Variants in C18orf63 observed in about 807,000 individuals in gnomAD.
The protein encoded by C18orf63 is uncharacterized protein C18orf63.
C18orf63 carries 50 observed loss-of-function variants against 75.3 expected under a neutral mutation model. That is an observed-to-expected ratio of 0.66 (90% CI 0.53 to 0.84). The LOEUF is 0.84. C18orf63 is among the 40% of genes least tolerant of loss of function. The probability of loss-of-function intolerance (pLI) is 0.00; values close to 1 mark genes in which losing one functional copy is unlikely to be tolerated. For synonymous variants in C18orf63, 232 were observed against 267.6 expected (o/e 0.87, Z 1.30); for missense variants, 732 against 800.2 (o/e 0.91, Z 1.03).
At chr18:74,344,027 A>G (rs774501250) in intron 11 of C18orf63, among the ~76,000 whole-genome samples, 3 of 152,142 alleles carry the variant, frequency 2.0e-5, no homozygotes, top group Admixed American at 6.6e-5. Context: ...TGCTGACAGT[A>G]TAAGTTCAGT....
Position 74,353,444 on chromosome 18 carries a change from C to T in C18orf63, c.1177C>T (p.Gln393Ter). 6.5e-7 allele frequency: 1 copy of T among 1,536,318 alleles called. No homozygotes were observed. The highest frequency in any genetic ancestry group is 8.7e-7 in the Non-Finnish European group (1 of 1,146,936). Residue 393 changes from glutamine (Q) to a stop codon, truncating the protein, a stop_gained, in exon 12 of 14, where the codon CAG becomes TAG. Transcript: ENST00000579455. LOFTEE classifies it high-confidence loss of function. ...SALHLQPESV[Q>*]GRKKSLSIRA... ...TTTGCATCTCCAGCCAGAGTCTGTT[C>T]AGGGTAGAAAGAAATCCCTGTCTAT...
chr18:74,317,904 A>G lies in C18orf63; in HGVS notation c.39A>G (p.Thr13=), dbSNP rs1050233716. Residue 13 remains threonine (T), a synonymous_variant, in exon 2 of 14, where the codon ACA becomes ACG. Transcript: ENST00000579455. ...GGCAGCAGTCTCTGTTCTTCATCAC[A>G]CTTCCAGATTTAAACAAACTCTGTG... is the stretch of plus-strand genomic sequence containing the variant. ...DSRQQSLFFI[T]LPDLNKLCAV... The G allele has an allele frequency of 9.1e-6, 14 of 1,535,088 alleles. No individual in the cohort carries two copies. Among genetic ancestry groups the G allele is most frequent in the Middle Eastern group, 1.7e-4 (1 of 6,010 alleles).
intron 8 of C18orf63, among the ~76,000 whole-genome samples, chr18:74,341,039 C>T (rs1389661066): frequency 4.6e-5 from 7 of 151,576 alleles, no homozygotes; most frequent in Admixed American, 3.3e-4. Context: ...CCGAGGCTGG[C>T]GGATCACGAG....
At chr18:74,323,846 G>C (rs1330655888) in intron 4 of C18orf63, among the ~76,000 whole-genome samples, 1 of 152,142 alleles carries the variant, frequency 6.6e-6, no homozygotes, top group Non-Finnish European at 1.5e-5. Flanking sequence ...GTTTTCTTTT[G>C]ATACTCCAGG....
chr18:74,343,312 A>G (rs1984518769), intron 10 of C18orf63, among the ~76,000 whole-genome samples: 2 of 152,116 alleles, frequency 1.3e-5, no homozygotes, highest in South Asian at 2.1e-4. Context: ...AATTGTCTTG[A>G]TTTGGAATGT....
intron 8 of C18orf63, 92 bp from the exon 9 acceptor site, chr18:74,341,940 A>AC (rs1450180121): frequency 9.2e-6 from 6 of 649,932 alleles, no homozygotes; most frequent in Non-Finnish European, 1.6e-5. Flanking sequence ...ATAGTTGTTG[A>AC]ATCTTTTTTG....
intron 2 of C18orf63, among the ~76,000 whole-genome samples, chr18:74,319,208 C>A (rs1242364098): frequency 6.6e-6 from 1 of 152,142 alleles, no homozygotes; most frequent in Admixed American, 6.5e-5. Flanking sequence ...AAATTGAAGG[C>A]AGCCATTCCC....
At chr18:74,347,932 T>A (rs1056432855) in intron 11 of C18orf63, among the ~76,000 whole-genome samples, 1 of 152,198 alleles carries the variant, frequency 6.6e-6, no homozygotes, top group Non-Finnish European at 1.5e-5. Flanking sequence ...CAATCCCAGA[T>A]ATAGTGTTTT....
In C18orf63 at chr18:74,328,081, T is replaced by C. The variant is rs976830343; in HGVS notation, c.382+23T>C. 5 of 1,335,826 alleles carry C rather than the reference T, an allele frequency of 3.7e-6. No individual in the cohort carries two copies. The African/African-American group carries it at 7.2e-5, about 19-fold the overall frequency. 82.7% of individuals were successfully genotyped at this position (1,335,826 alleles called of 1,614,324 possible). ...AAGGTAACTTTATCTTTTTAGTCAT[T>C]GGGGCTTTCTGAACTAGATTACGTC... is the stretch of plus-strand genomic sequence containing the variant. On this transcript the variant is annotated intron_variant, in intron 5 of 13. Coordinates refer to ENST00000579455, the MANE Select transcript of C18orf63 (RefSeq NM_001174123.2).
intron 7 of C18orf63, among the ~76,000 whole-genome samples, chr18:74,337,948 A>T (rs573770228): frequency 1.3e-5 from 2 of 152,158 alleles, no homozygotes; most frequent in African/African-American, 4.8e-5. Context: ...GAAAAGTAGT[A>T]GGCAGCGAAG....
At chr18:74,333,496 G>A (rs1182351280) in intron 7 of C18orf63, among the ~76,000 whole-genome samples, 1 of 152,202 alleles carries the variant, frequency 6.6e-6, no homozygotes, top group Non-Finnish European at 1.5e-5. Context: ...CAGTCATGGT[G>A]GAAGGGGAAG....
chr18:74,335,314 C>T lies in C18orf63; in HGVS notation c.502-3401C>T, dbSNP rs959416510. 2.8e-4 allele frequency among the ~76,000 whole-genome samples: 43 copies of T among 151,964 alleles called. 1 individual carries two copies. The highest frequency in any genetic ancestry group is 5.0e-4 in the Non-Finnish European group (34 of 67,976). On this transcript the variant is annotated intron_variant, in intron 7 of 13. Coordinates refer to ENST00000579455, the MANE Select transcript of C18orf63 (RefSeq NM_001174123.2). ...ATTGGAGTAGTTTTCTAAATCCTGA[C>T]CTTTGACCCTATTTAGACAAATTTT...
intron 11 of C18orf63, among the ~76,000 whole-genome samples, chr18:74,348,140 C>T (rs1269823138): frequency 6.6e-6 from 1 of 151,976 alleles, no homozygotes; most frequent in African/African-American, 2.4e-5. Flanking sequence ...AAAAAAAGTC[C>T]ACATAATTTT....
At chr18:74,339,233 T>A (rs1485189298) in intron 8 of C18orf63, among the ~76,000 whole-genome samples, 1 of 152,086 alleles carries the variant, frequency 6.6e-6, no homozygotes, top group African/African-American at 2.4e-5. Flanking sequence ...TAAGCAGGAC[T>A]ATTGGGATAA....
Position 74,357,821 on chromosome 18 carries a change from G to C in C18orf63, c.*1374G>C, listed in dbSNP as rs934427954. 2 of 152,034 alleles carry C rather than the reference G, an allele frequency of 1.3e-5. No individual in the cohort carries two copies. Among genetic ancestry groups the C allele is most frequent in the Non-Finnish European group, 2.9e-5 (2 of 68,002 alleles). 9.4% of individuals were successfully genotyped at this position (152,034 alleles called of 1,614,324 possible). A position where few individuals can be genotyped will look rare whatever the true frequency, so the allele number is the denominator to read the frequency against. On this transcript the variant is annotated 3_prime_UTR_variant, in exon 14 of 14. Coordinates refer to ENST00000579455, the MANE Select transcript of C18orf63 (RefSeq NM_001174123.2). ...CCAATTATTTTACCATTTTCATAAG[G>C]ATAAGCATTTTGTCTGAAGCCCATT...
chr18:74,358,328 CA>C lies in C18orf63; in HGVS notation c.*1883del, dbSNP rs1203974755. 1 of 151,888 alleles carries C rather than the reference CA, an allele frequency of 6.6e-6. No individual in the cohort carries two copies. Among genetic ancestry groups the C allele is most frequent in the Non-Finnish European group, 1.5e-5 (1 of 67,974 alleles). 9.4% of individuals were successfully genotyped at this position (151,888 alleles called of 1,614,324 possible). Reference sequence around the variant, plus strand: ...TAAAGTAGGTTTGATTTTTATCTTACAATATTTATCCTAATGAAAGTTATAA... The same window carrying C: ...TAAAGTAGGTTTGATTTTTATCTTACATATTTATCCTAATGAAAGTTATAA... On this transcript the variant is annotated 3_prime_UTR_variant, in exon 14 of 14. Coordinates refer to ENST00000579455, the MANE Select transcript of C18orf63 (RefSeq NM_001174123.2).
intron 11 of C18orf63, 74 bp downstream of exon 11, chr18:74,343,776 T>A: frequency 9.9e-7 from 1 of 1,008,372 alleles, no homozygotes; most frequent in South Asian, 2.2e-5. Context: ...TCTTGTCTTC[T>A]GGGGTGGAAC....
chr18:74,342,181 G>T, intron 9 of C18orf63, 53 bp downstream of exon 9: 1 of 1,439,138 alleles, frequency 6.9e-7, no homozygotes, highest in Non-Finnish European at 9.4e-7. Flanking sequence ...TTTGTTTATT[G>T]TAACTTAACC....
intron 7 of C18orf63, among the ~76,000 whole-genome samples, chr18:74,338,411 T>C (rs1168879671): frequency 2.6e-5 from 4 of 152,062 alleles, no homozygotes; most frequent in Non-Finnish European, 5.9e-5. Context: ...AGATTCAACT[T>C]CCTGCAAATT....
Sources: allele counts gnomAD v4.1 joint callset (sites outside exome capture counted in the v4.1 genomes callset), GRCh38; gene constraint gnomAD v4.1.1; transcripts MANE v1.5; gene names NCBI Gene and HGNC (gene_info 2026-07-23, HGNC 2026-07-21).